Variants in SRP9 observed in about 807,000 individuals in gnomAD.
SRP9 encodes signal recognition particle 9 kDa protein.
Under a neutral mutation model 11.7 loss-of-function variants are expected in SRP9, and 2 were observed. The ratio of observed to expected loss-of-function variants is 0.17; its 90% confidence interval spans 0.07 to 0.54. The LOEUF (loss-of-function observed/expected upper bound fraction) is 0.54, where lower values mean the gene tolerates loss of function less well. Among genes scored for constraint, SRP9 ranks in the 20% least tolerant of loss-of-function variants. The pLI is 0.94. For synonymous variants in SRP9, 27 were observed against 35.6 expected, an observed-to-expected ratio of 0.76 and a Z score of 0.86; for missense variants, 54 against 108.1, an observed-to-expected ratio of 0.50 and a Z score of 2.22.
rs117648284 is a variant in SRP9, at chr1:225,785,721, T to C, written c.141+2353T>C. On this transcript the variant is annotated intron_variant, in intron 2 of 2. Transcript: ENST00000304786. ...TTTTAAAGAAGGAGTCTGGCTCTAT[T>C]ACCCAGACTGGAGTGCAATGGTTCA... 2.5e-3 allele frequency among the ~76,000 whole-genome samples: 371 copies of C among 150,478 alleles called. 7 individuals are homozygous for C. In the East Asian group the frequency reaches 0.04, roughly 16 times the overall value.
intron 1 of SRP9, among the ~76,000 whole-genome samples, chr1:225,780,608 T>A (rs1665776343): frequency 6.6e-6 from 1 of 152,218 alleles, no homozygotes; most frequent in Non-Finnish European, 1.5e-5. Context: ...ATTTTATATC[T>A]GTTAAGTGAT....
At chr1:225,781,669 T>G (rs1474925831) in intron 1 of SRP9, among the ~76,000 whole-genome samples, 12 of 152,216 alleles carry the variant, frequency 7.9e-5, no homozygotes, top group Non-Finnish European at 1.8e-4. Flanking sequence ...GTGCTGGGAT[T>G]ATAGGCATGA....
intron 1 of SRP9, among the ~76,000 whole-genome samples, chr1:225,782,508 G>T (rs974923604): frequency 2.6e-5 from 4 of 152,150 alleles, no homozygotes; most frequent in African/African-American, 9.7e-5. Context: ...AAGAGTTACT[G>T]ATACTGGTTA....
intron 2 of SRP9, chr1:225,787,126 G>C (rs1057474634): frequency 1.2e-5 from 3 of 255,104 alleles, no homozygotes; most frequent in African/African-American, 7.0e-5. Flanking sequence ...TTATGGGTGT[G>C]AACCACTAAG....
At chr1:225,780,578 T>A (rs1665775943) in intron 1 of SRP9, among the ~76,000 whole-genome samples, 1 of 152,198 alleles carries the variant, frequency 6.6e-6, no homozygotes, top group South Asian at 2.1e-4. Flanking sequence ...CAGCAACCCA[T>A]CAAAGTATAT....
At chr1:225,781,083 C>G (rs1665785270) in intron 1 of SRP9, among the ~76,000 whole-genome samples, 1 of 152,172 alleles carries the variant, frequency 6.6e-6, no homozygotes, top group Non-Finnish European at 1.5e-5. Context: ...CGGATTGTAT[C>G]CTTGTTCAGA....
At position 225,789,329 on chromosome 1, in the gene SRP9, A is replaced by G. The variant is rs750448224; in HGVS notation, c.231A>G (p.Glu77=). ...TAATGCGACTTATGGTAGCCAAGGA[A>G]GCCCGCAATGTTACCATGGAAACTG... ...SQLMRLMVAK[E]ARNVTMETE is the part of the protein sequence containing the mutation. Residue 77 remains glutamate, a synonymous_variant, in exon 3 of 3, where the codon GAA becomes GAG. Coordinates refer to ENST00000304786, the MANE Select transcript of SRP9 (RefSeq NM_003133.6). 8 of 1,605,952 alleles carry G rather than the reference A, an allele frequency of 5.0e-6. No individual in the cohort carries two copies. In the Admixed American group the frequency reaches 1.2e-4, roughly 24 times the overall value.
In SRP9 at chr1:225,788,899, A is replaced by T. The variant is rs902062046; in HGVS notation, c.142-341A>T. 4 of 1,121,354 alleles carry T rather than the reference A, an allele frequency of 3.6e-6. No homozygotes were observed. In the African/African-American group the frequency reaches 6.3e-5, roughly 18 times the overall value. 69.5% of individuals were successfully genotyped at this position (1,121,354 alleles called of 1,614,324 possible). On this transcript the variant is annotated intron_variant, in intron 2 of 2. Coordinates refer to ENST00000304786, the MANE Select transcript of SRP9 (RefSeq NM_003133.6). The stretch of plus-strand genomic sequence containing the variant: ...GCTGGGAGAAAATATGTAGGGAGAT[A>T]ATCTAATACCTAATTCGAAGGAAGA...
At chr1:225,781,395 C>CTTTTTTTTTT (rs11315558) in intron 1 of SRP9, among the ~76,000 whole-genome samples, 27 of 87,788 alleles carry the variant, frequency 3.1e-4, no homozygotes, top group East Asian at 7.8e-4. Flanking sequence ...TTTTCTTTTT[C>CTTTTTTTTTT]TTTTTTTTTT....
At chr1:225,786,791 C>G (rs1245284993) in intron 2 of SRP9, 1 of 1,250,192 alleles carries the variant, frequency 8.0e-7, no homozygotes, top group Non-Finnish European at 1.0e-6. Flanking sequence ...GAGTGCTTAC[C>G]CTTGGTAGAT....
At chr1:225,782,415 T>C (rs1027665118) in intron 1 of SRP9, among the ~76,000 whole-genome samples, 2 of 152,112 alleles carry the variant, frequency 1.3e-5, no homozygotes, top group Non-Finnish European at 2.9e-5. Flanking sequence ...CCACCCGCCT[T>C]GGCCTCCCAA....
chr1:225,785,456 C>T (rs1385558289), intron 2 of SRP9, among the ~76,000 whole-genome samples: 2 of 151,786 alleles, frequency 1.3e-5, no homozygotes, highest in Non-Finnish European at 2.9e-5. Flanking sequence ...AATCTCGGCT[C>T]ACTGCAAACT....
intron 1 of SRP9, among the ~76,000 whole-genome samples, chr1:225,778,721 TCTTA>T (rs745958920): frequency 6.6e-5 from 10 of 152,216 alleles, no homozygotes; most frequent in Admixed American, 3.9e-4. Context: ...AGCATTCGGG[TCTTA>T]CTTTTCGTCT....
intron 1 of SRP9, among the ~76,000 whole-genome samples, chr1:225,782,904 A>G (rs922198961): frequency 9.2e-5 from 14 of 152,202 alleles, no homozygotes; most frequent in Admixed American, 9.2e-4. Context: ...CTTTTTAACT[A>G]GCCATTTCTG....
At chr1:225,780,274 A>G (rs1665767335) in intron 1 of SRP9, among the ~76,000 whole-genome samples, 1 of 148,886 alleles carries the variant, frequency 6.7e-6, no homozygotes, top group African/African-American at 2.5e-5. Context: ...CTCCTGCCTC[A>G]GCTTCCCAAG....
chr1:225,780,135 T>G (rs561049924), intron 1 of SRP9, among the ~76,000 whole-genome samples: 1 of 150,660 alleles, frequency 6.6e-6, no homozygotes, highest in South Asian at 2.1e-4. Flanking sequence ...CACCTCAGCC[T>G]CCTGAGTAGC....
intron 2 of SRP9, chr1:225,786,719 C>CAG (rs1353700021): frequency 9.5e-7 from 1 of 1,050,962 alleles, no homozygotes; most frequent in Non-Finnish European, 1.2e-6. Context: ...CTTCTGGTCT[C>CAG]AATTTCCTCA....
intron 2 of SRP9, chr1:225,786,974 C>T: frequency 2.2e-6 from 1 of 452,322 alleles, no homozygotes; most frequent in South Asian, 1.8e-5. Context: ...TCCTGAATAG[C>T]AGAGACTACA....
chr1:225,779,251 T>C (rs1277065737), intron 1 of SRP9, among the ~76,000 whole-genome samples: 1 of 151,944 alleles, frequency 6.6e-6, no homozygotes, highest in Non-Finnish European at 1.5e-5. Context: ...TTCAAACGGT[T>C]CTCCTGCCTC....
Sources: allele counts gnomAD v4.1 joint callset (sites outside exome capture counted in the v4.1 genomes callset), GRCh38; gene constraint gnomAD v4.1.1; transcripts MANE v1.5; gene names NCBI Gene and HGNC (gene_info 2026-07-23, HGNC 2026-07-21).